RIPOR3: variants seen among roughly 807,000 people sequenced by gnomAD.
RIPOR3 encodes the protein family with sequence similarity 65 member C.
A neutral mutation model predicts 114.3 loss-of-function variants in RIPOR3; 95 were observed. The observed-to-expected ratio is 0.83, with a 90% CI of 0.70 to 0.99. The LOEUF (loss-of-function observed/expected upper bound fraction) is 0.99, where lower values mean the gene tolerates loss of function less well. Among genes scored for constraint, RIPOR3 ranks in the 50% least tolerant of loss-of-function variants. RIPOR3 has a pLI of 0.00. For missense variants in RIPOR3, 1,252 were observed against 1,266.9 expected (o/e 0.99, Z 0.18); for synonymous variants, 575 against 543.8 (o/e 1.06, Z -0.80).
rs73272569 is a variant in RIPOR3, at chr20:50,613,342, A to T, written c.349-2138T>A. ...ATTGTGCGCGCCTGTAATCCTAGCT[A>T]CTCAGGAGGCTGAGGCAGGAGAATC... On this transcript the variant is annotated intron_variant, in intron 4 of 21. Coordinates refer to ENST00000327979, the MANE Select transcript of RIPOR3 (RefSeq NM_001290268.2). Among the ~76,000 whole-genome samples, 251 of 152,096 alleles carry T rather than the reference A, an allele frequency of 1.7e-3. 1 individual carries two copies. The highest frequency in any genetic ancestry group is 5.8e-3 in the African/African-American group (239 of 41,472).
At chr20:50,634,692 A>G (rs1015589455) in intron 1 of RIPOR3, among the ~76,000 whole-genome samples, 1 of 152,214 alleles carries the variant, frequency 6.6e-6, no homozygotes. Context: ...AATAACCACT[A>G]TGTGCTAGAC....
intron 15 of RIPOR3, 53 bp from the exon 16 acceptor site, chr20:50,595,557 C>A: frequency 6.3e-7 from 1 of 1,596,972 alleles, no homozygotes; most frequent in South Asian, 1.1e-5. Flanking sequence ...CCACCGAGGT[C>A]AGCTGTTACG....
chr20:50,645,343 G>C (rs2295721), intron 1 of RIPOR3: 21,913 of 152,274 alleles, frequency 0.14, 2,060 homozygotes, highest in African/African-American at 0.26. Flanking sequence ...ATAGGACAGA[G>C]CCTGTTCGCA....
At chr20:50,647,074 C>T (rs1236045582) in intron 1 of RIPOR3, among the ~76,000 whole-genome samples, 3 of 152,224 alleles carry the variant, frequency 2.0e-5, no homozygotes, top group Admixed American at 2.0e-4. Flanking sequence ...GTAATCCGCA[C>T]TTTCGGAGGC....
intron 1 of RIPOR3, among the ~76,000 whole-genome samples, chr20:50,672,627 A>C (rs773668316): frequency 6.6e-6 from 1 of 152,202 alleles, no homozygotes; most frequent in Non-Finnish European, 1.5e-5. Flanking sequence ...GTCAGTGGCC[A>C]GTCCTGGGGG....
chr20:50,659,292 G>A (rs1239180124), intron 1 of RIPOR3, among the ~76,000 whole-genome samples: 1 of 152,138 alleles, frequency 6.6e-6, no homozygotes, highest in African/African-American at 2.4e-5. Context: ...CTGAACCGAA[G>A]TCTGAATTTC....
intron 1 of RIPOR3, among the ~76,000 whole-genome samples, chr20:50,676,325 A>G (rs975490433): frequency 6.6e-6 from 1 of 152,030 alleles, no homozygotes; most frequent in Non-Finnish European, 1.5e-5. Flanking sequence ...GAGGCCCATC[A>G]TCTCCCAGAA....
At chr20:50,632,221 A>G (rs1302930978) in intron 1 of RIPOR3, among the ~76,000 whole-genome samples, 2 of 152,198 alleles carry the variant, frequency 1.3e-5, no homozygotes, top group Non-Finnish European at 2.9e-5. Flanking sequence ...AAGCTTGGCA[A>G]CAAAGAAGGT....
At chr20:50,589,854 CAGTA>C (rs2083055075) in intron 19 of RIPOR3, 85 bp from the exon 20 acceptor site, 10 of 1,184,342 alleles carry the variant, frequency 8.4e-6, no homozygotes, top group Admixed American at 7.8e-5. Flanking sequence ...CAGGTGCCGA[CAGTA>C]AGGCACGCTG....
At position 50,671,411 on chromosome 20, in the gene RIPOR3, C is replaced by T. The variant is rs71350696; in HGVS notation, c.3+19715G>A. Among the ~76,000 whole-genome samples, 310 of 89,864 alleles carry T rather than the reference C, an allele frequency of 3.4e-3. 2 individuals are homozygous for T. Among genetic ancestry groups the T allele is most frequent in the African/African-American group, 9.0e-3 (224 of 24,866 alleles). The allele number at this position is 89,864 out of a possible 152,430, so 59.0% of individuals were successfully genotyped here. On this transcript the variant is annotated intron_variant, in intron 1 of 21. Transcript: ENST00000327979. Reference sequence around the variant, plus strand: ...TCCCTCTCTCTCACATGAGCACGCGCGCGTGCACGCGCGCGCGCACACACA... The same window carrying T: ...TCCCTCTCTCTCACATGAGCACGCGTGCGTGCACGCGCGCGCGCACACACA...
At chr20:50,684,375 G>A (rs918950355) in intron 1 of RIPOR3, among the ~76,000 whole-genome samples, 3 of 152,226 alleles carry the variant, frequency 2.0e-5, no homozygotes, top group Non-Finnish European at 2.9e-5. Context: ...CGATTGCAAA[G>A]GTCCTGGGGC....
chr20:50,652,590 C>CAAAAAAAAAAAAAAAAAAAAAAAAAAAA (rs11470456), intron 1 of RIPOR3, among the ~76,000 whole-genome samples: 1 of 87,324 alleles, frequency 1.1e-5, no homozygotes, highest in Non-Finnish European at 2.2e-5. Flanking sequence ...GATTCTGTCT[C>CAAAAAAAAAAAAAAAAAAAAAAAAAAAA]AAAAAAAAAA....
intron 13 of RIPOR3, among the ~76,000 whole-genome samples, 159 bp from the exon 14 acceptor site, chr20:50,597,869 C>G (rs1429506360): frequency 6.6e-6 from 1 of 152,224 alleles, no homozygotes; most frequent in Non-Finnish European, 1.5e-5. Context: ...TGGCCCAAGG[C>G]GTGGCACTGG....
chr20:50,589,370 C>T (rs1009383668), intron 20 of RIPOR3, among the ~76,000 whole-genome samples: 1 of 150,836 alleles, frequency 6.6e-6, no homozygotes, highest in Non-Finnish European at 1.5e-5. Flanking sequence ...TGCAGTGGCA[C>T]GATCTCGGCT....
intron 1 of RIPOR3, among the ~76,000 whole-genome samples, chr20:50,685,192 G>A (rs2086971821): frequency 6.6e-6 from 1 of 150,866 alleles, no homozygotes. Context: ...TCCAAACTGA[G>A]CCCTTCTTGA....
chr20:50,644,195 C>A (rs1392758300), intron 1 of RIPOR3, among the ~76,000 whole-genome samples: 1 of 152,046 alleles, frequency 6.6e-6, no homozygotes, highest in Non-Finnish European at 1.5e-5. Context: ...TGGTTTGGAA[C>A]TCCTGGCCTC....
chr20:50,644,901 G>A (rs1158884129), intron 1 of RIPOR3, among the ~76,000 whole-genome samples: 2 of 150,346 alleles, frequency 1.3e-5, no homozygotes, highest in Non-Finnish European at 1.5e-5. Context: ...GTGCAGGGGC[G>A]CAATCTTGGC....
At chr20:50,653,926 G>C (rs543599562) in intron 1 of RIPOR3, 1 of 151,710 alleles carries the variant, frequency 6.6e-6, no homozygotes, top group Non-Finnish European at 1.5e-5. Flanking sequence ...TATTTAATGC[G>C]CTCTCCTCAT....
chr20:50,641,835 C>T (rs1421852758), intron 1 of RIPOR3, among the ~76,000 whole-genome samples: 1 of 152,200 alleles, frequency 6.6e-6, no homozygotes, highest in African/African-American at 2.4e-5. Flanking sequence ...TGGAAGTGCC[C>T]GGCAGGACCT....
Sources: allele counts gnomAD v4.1 joint callset (sites outside exome capture counted in the v4.1 genomes callset), GRCh38; gene constraint gnomAD v4.1.1; transcripts MANE v1.5; gene names NCBI Gene and HGNC (gene_info 2026-07-23, HGNC 2026-07-21).